The following MAN1C1 variants were observed in gnomAD, a reference collection of about 807,000 sequenced individuals.
MAN1C1 encodes mannosyl-oligosaccharide 1,2-alpha-mannosidase IC.
Under a neutral mutation model 71.5 loss-of-function variants are expected in MAN1C1, and 49 were observed. The observed-to-expected ratio is 0.69, with a 90% CI of 0.54 to 0.87. MAN1C1 has a LOEUF of 0.87. MAN1C1 is among the 40% of genes least tolerant of loss of function. MAN1C1 has a pLI of 0.00. For missense variants in MAN1C1, 743 were observed against 835.0 expected, an observed-to-expected ratio of 0.89 and a Z score of 1.36; for synonymous variants, 352 against 343.7, an observed-to-expected ratio of 1.02 and a Z score of -0.27.
At chr1:25,758,880 A>G (rs2047324851) in intron 6 of MAN1C1, 171 bp downstream of exon 6, 6 of 619,826 alleles carry the variant, frequency 9.7e-6, no homozygotes, top group Non-Finnish European at 1.7e-5. Flanking sequence ...CTATACCCCA[A>G]CGCCAGGTGG....
At chr1:25,620,117 T>A (rs981004702) in intron 1 of MAN1C1, among the ~76,000 whole-genome samples, 97 of 152,192 alleles carry the variant, frequency 6.4e-4, no homozygotes, top group African/African-American at 2.3e-3. Flanking sequence ...TAAGACAATT[T>A]ATTTTGCCAG....
intron 2 of MAN1C1, among the ~76,000 whole-genome samples, chr1:25,744,813 G>A (rs187726058): frequency 2.4e-3 from 369 of 152,290 alleles, no homozygotes; most frequent in South Asian, 6.4e-3. Context: ...AGGAGGTGCC[G>A]CAAAGCCCAC....
chr1:25,766,695 A>G (rs1423776984), intron 7 of MAN1C1, among the ~76,000 whole-genome samples: 2 of 152,024 alleles, frequency 1.3e-5, no homozygotes, highest in African/African-American at 4.8e-5. Flanking sequence ...GCCCAACACA[A>G]ATGAGACCAC....
chr1:25,730,719 G>C lies in MAN1C1; in HGVS notation c.638-15949G>C, dbSNP rs956341163. On this transcript the variant is annotated intron_variant, in intron 2 of 11. Transcript: ENST00000374332. This position sits in a 1 kb window ranked among gnomAD's most constrained non-coding sequence, Gnocchi z 4.3. The stretch of plus-strand genomic sequence containing the variant: ...CTCAGGGCTGTCACGACTGGATGAG[G>C]CCTGGCTTGGCTGTGGGTGGGTGGA... Among the ~76,000 whole-genome samples the C allele has an allele frequency of 1.3e-5, 2 of 152,236 alleles. No homozygotes were observed. The highest frequency in any genetic ancestry group is 4.8e-5 in the African/African-American group (2 of 41,458).
At chr1:25,719,625 A>G (rs1457797287) in intron 2 of MAN1C1, among the ~76,000 whole-genome samples, 6 of 150,742 alleles carry the variant, frequency 4.0e-5, no homozygotes, top group Non-Finnish European at 1.5e-5. Flanking sequence ...ACAGGGTTTC[A>G]CAATGTTACC....
chr1:25,721,626 A>G (rs981099006), intron 2 of MAN1C1, among the ~76,000 whole-genome samples: 6 of 152,218 alleles, frequency 3.9e-5, no homozygotes, highest in African/African-American at 1.2e-4. Flanking sequence ...TGTATCCTAC[A>G]ACCTTGCTGA....
intron 1 of MAN1C1, among the ~76,000 whole-genome samples, chr1:25,666,399 C>A (rs796285752): frequency 4.6e-5 from 7 of 152,312 alleles, no homozygotes; most frequent in African/African-American, 1.7e-4. Flanking sequence ...GTGGTCCCAG[C>A]TAGACCTGGA....
intron 1 of MAN1C1, among the ~76,000 whole-genome samples, chr1:25,658,557 C>T (rs112161203): frequency 1.9e-3 from 290 of 152,244 alleles, no homozygotes; most frequent in Non-Finnish European, 3.2e-3. Flanking sequence ...CTCAAACCAT[C>T]CTGCCACCTC....
intron 1 of MAN1C1, among the ~76,000 whole-genome samples, chr1:25,654,932 A>G (rs923904844): frequency 6.6e-6 from 1 of 152,126 alleles, no homozygotes; most frequent in East Asian, 1.9e-4. Context: ...GGCGTGAGCC[A>G]CCGTGTCGGG....
At chr1:25,768,029 A>C (rs1214625950) in intron 7 of MAN1C1, among the ~76,000 whole-genome samples, 2 of 88,070 alleles carry the variant, frequency 2.3e-5, no homozygotes, top group Non-Finnish European at 4.4e-5. Context: ...CCACACACCC[A>C]CACTCCCCTC....
Position 25,732,860 on chromosome 1 carries a change from C to T in MAN1C1, c.638-13808C>T, listed in dbSNP as rs545637076. Among the ~76,000 whole-genome samples the T allele has an allele frequency of 2.0e-4, 30 of 152,314 alleles. No homozygotes were observed. The South Asian group carries it at 6.2e-3, about 32-fold the overall frequency. Reference sequence around the variant, plus strand: ...ACCTCTTTGATTTCCTTTCTTTTCTCCTTTCCAATAATCATCATTAATCTT... The same window carrying T: ...ACCTCTTTGATTTCCTTTCTTTTCTTCTTTCCAATAATCATCATTAATCTT... On this transcript the variant is annotated intron_variant, in intron 2 of 11. Coordinates refer to ENST00000374332, the MANE Select transcript of MAN1C1 (RefSeq NM_020379.4).
chr1:25,706,974 T>C (rs1472744715), intron 2 of MAN1C1, among the ~76,000 whole-genome samples: 2 of 152,216 alleles, frequency 1.3e-5, no homozygotes, highest in African/African-American at 2.4e-5. Flanking sequence ...CTTAGTTGCC[T>C]TGCAGGGAAT....
chr1:25,626,422 G>T (rs1048973996), intron 1 of MAN1C1, among the ~76,000 whole-genome samples: 1 of 151,118 alleles, frequency 6.6e-6, no homozygotes, highest in Non-Finnish European at 1.5e-5. Context: ...GCAGTGGCAC[G>T]ATCTCAGCTC....
At chr1:25,689,732 C>T (rs1482589584) in intron 2 of MAN1C1, among the ~76,000 whole-genome samples, 1 of 152,164 alleles carries the variant, frequency 6.6e-6, no homozygotes, top group Non-Finnish European at 1.5e-5. Context: ...TTAATGTCCT[C>T]CCTATAGGCT....
rs1229818792 is a variant in MAN1C1, at chr1:25,730,582, T to C, written c.638-16086T>C. Among the ~76,000 whole-genome samples the C allele has an allele frequency of 1.3e-5, 2 of 152,148 alleles. No individual in the cohort carries two copies. The highest frequency in any genetic ancestry group is 6.5e-5 in the Admixed American group (1 of 15,278). On this transcript the variant is annotated intron_variant, in intron 2 of 11. Coordinates refer to ENST00000374332, the MANE Select transcript of MAN1C1 (RefSeq NM_020379.4). This position sits in a 1 kb window ranked among gnomAD's most constrained non-coding sequence, Gnocchi z 4.3. ...TCGATCTTTAGGAAATTGAACTGTGTGTTTTCTCTGAAGCGGAGAGCTGTC... is the reference window on the plus strand; with the variant it reads ...TCGATCTTTAGGAAATTGAACTGTGCGTTTTCTCTGAAGCGGAGAGCTGTC...
At chr1:25,685,498 C>G (rs1050455061) in intron 1 of MAN1C1, among the ~76,000 whole-genome samples, 2 of 152,198 alleles carry the variant, frequency 1.3e-5, no homozygotes, top group Admixed American at 1.3e-4. Flanking sequence ...TGAGGGAGAC[C>G]TTGGGGGCTG....
chr1:25,783,651 C>T lies in MAN1C1; in HGVS notation c.1767-12C>T, dbSNP rs766346023. 16 of 1,610,726 alleles carry T rather than the reference C, an allele frequency of 9.9e-6. No homozygotes were observed. In the Admixed American group the frequency reaches 1.0e-4, roughly 10 times the overall value. On this transcript the variant is annotated splice_polypyrimidine_tract_variant and intron_variant, in intron 11 of 11. Coordinates refer to ENST00000374332, the MANE Select transcript of MAN1C1 (RefSeq NM_020379.4). ...GACTGTGTCTTGCTTCCCTGCCCTGCGTGGGGCACAGGTATCTCTATCTTC... is the reference window on the plus strand; with the variant it reads ...GACTGTGTCTTGCTTCCCTGCCCTGTGTGGGGCACAGGTATCTCTATCTTC...
chr1:25,677,050 G>A (rs979602936), intron 1 of MAN1C1, among the ~76,000 whole-genome samples: 4 of 152,124 alleles, frequency 2.6e-5, no homozygotes, highest in Admixed American at 2.6e-4. Context: ...TCTCTTTTCT[G>A]CAGGAGAGAA....
intron 1 of MAN1C1, among the ~76,000 whole-genome samples, chr1:25,676,948 C>T (rs2046077613): frequency 6.6e-6 from 1 of 152,134 alleles, no homozygotes; most frequent in Admixed American, 6.5e-5. Context: ...CCCACGTGTC[C>T]TCCCCTCCTC....
Sources: allele counts gnomAD v4.1 joint callset (sites outside exome capture counted in the v4.1 genomes callset), GRCh38; gene constraint gnomAD v4.1.1; non-coding constraint Gnocchi (gnomAD v3.1); transcripts MANE v1.5; gene names NCBI Gene and HGNC (gene_info 2026-07-23, HGNC 2026-07-21).